The following ADAM18 variants were observed in gnomAD, a reference collection of about 807,000 sequenced individuals.
ADAM18 encodes disintegrin and metalloproteinase domain-containing protein 18.
A neutral mutation model predicts 94.4 loss-of-function variants in ADAM18; 117 were observed. The observed-to-expected ratio is 1.24, with a 90% CI of 1.07 to 1.45. The LOEUF (loss-of-function observed/expected upper bound fraction) is 1.45, where lower values mean the gene tolerates loss of function less well. Ranked by LOEUF, ADAM18 falls within the 40% of genes most tolerant of loss-of-function variation. The probability of loss-of-function intolerance (pLI) is 0.00; values close to 1 mark genes in which losing one functional copy is unlikely to be tolerated. For missense variants in ADAM18, 936 were observed against 880.0 expected, an observed-to-expected ratio of 1.06 and a Z score of -0.81; for synonymous variants, 327 against 291.6, an observed-to-expected ratio of 1.12 and a Z score of -1.24.
intron 19 of ADAM18, 73 bp from the exon 20 acceptor site, chr8:39,729,825 G>A (rs571272531): frequency 8.1e-7 from 1 of 1,227,740 alleles, no homozygotes; most frequent in Non-Finnish European, 1.2e-6. Context: ...TAGTAAATAT[G>A]GTTTAAAATA....
Position 39,639,844 on chromosome 8 carries a change from T to G in ADAM18, c.909+1298T>G, listed in dbSNP as rs138823975. Among the ~76,000 whole-genome samples the G allele has an allele frequency of 7.1e-3, 1,086 of 152,158 alleles. 13 individuals carry two copies. The highest frequency in any genetic ancestry group is 0.025 in the African/African-American group (1,027 of 41,556). On this transcript the variant is annotated intron_variant, in intron 10 of 19. Coordinates refer to ENST00000265707, the MANE Select transcript of ADAM18 (RefSeq NM_014237.3). ...AAATTGTCTGTTTTACCAATCTATA[T>G]TACACTTGATGCATAGACAGGGTTG...
intron 6 of ADAM18, among the ~76,000 whole-genome samples, chr8:39,612,330 G>A (rs1246155338): frequency 6.6e-6 from 1 of 152,162 alleles, no homozygotes; most frequent in Non-Finnish European, 1.5e-5. Flanking sequence ...GCACAGGGCT[G>A]TTAAGAACTG....
chr8:39,675,158 A>T (rs1004378210), intron 14 of ADAM18, among the ~76,000 whole-genome samples: 1 of 152,112 alleles, frequency 6.6e-6, no homozygotes, highest in African/African-American at 2.4e-5. Flanking sequence ...TCTGAATTTG[A>T]ATGTTGGCCT....
In ADAM18 at chr8:39,702,216, G is replaced by C. The variant is rs117786953; in HGVS notation, c.1903-4574G>C. On this transcript the variant is annotated intron_variant, in intron 17 of 19. Coordinates refer to ENST00000265707, the MANE Select transcript of ADAM18 (RefSeq NM_014237.3). ...TGAAATGGTATCTCATTGTGGTCTT[G>C]ATTTTTATTTCTCTAATGATTAGTG... 7.9e-4 allele frequency among the ~76,000 whole-genome samples: 120 copies of C among 152,198 alleles called. 1 individual carries two copies. In the East Asian group the frequency reaches 0.019, roughly 24 times the overall value.
At chr8:39,654,289 C>G (rs994708164) in intron 12 of ADAM18, among the ~76,000 whole-genome samples, 2 of 151,292 alleles carry the variant, frequency 1.3e-5, no homozygotes, top group African/African-American at 4.9e-5. Flanking sequence ...TCCCGAGTAG[C>G]TGGATCTCCT....
chr8:39,704,658 A>G (rs1228960916), intron 17 of ADAM18, among the ~76,000 whole-genome samples: 2 of 152,066 alleles, frequency 1.3e-5, no homozygotes, highest in East Asian at 1.9e-4. Context: ...TTATTTGTCT[A>G]TTTCTATGCC....
intron 6 of ADAM18, among the ~76,000 whole-genome samples, chr8:39,625,792 A>G (rs1289243145): frequency 2.0e-5 from 3 of 151,854 alleles, no homozygotes; most frequent in East Asian, 1.9e-4. Flanking sequence ...AGAGATTATT[A>G]TTTTCAATTT....
chr8:39,605,594 A>G (rs1451477692), intron 2 of ADAM18: 1 of 160,734 alleles, frequency 6.2e-6, no homozygotes, highest in Non-Finnish European at 1.4e-5. Flanking sequence ...TGTCTAATTT[A>G]TCTTGACTAA....
At chr8:39,649,473 AC>A (rs1465149119) in intron 12 of ADAM18, among the ~76,000 whole-genome samples, 1 of 152,114 alleles carries the variant, frequency 6.6e-6, no homozygotes, top group African/African-American at 2.4e-5. Context: ...GCAGTCTCCT[AC>A]CCCTAAATAT....
At chr8:39,659,988 A>C (rs1390350631) in intron 12 of ADAM18, among the ~76,000 whole-genome samples, 1 of 152,132 alleles carries the variant, frequency 6.6e-6, no homozygotes, top group Non-Finnish European at 1.5e-5. Context: ...GGAGAGGTGA[A>C]GTCTTGAGTT....
chr8:39,588,684 T>G (rs1202000349), intron 2 of ADAM18, among the ~76,000 whole-genome samples: 1 of 152,160 alleles, frequency 6.6e-6, no homozygotes, highest in East Asian at 1.9e-4. Flanking sequence ...TGGGATGTGT[T>G]TATTTCCTGC....
At chr8:39,653,604 T>G (rs1011370886) in intron 12 of ADAM18, among the ~76,000 whole-genome samples, 1 of 152,212 alleles carries the variant, frequency 6.6e-6, no homozygotes, top group Non-Finnish European at 1.5e-5. Context: ...ATTCTACTGA[T>G]TTTAGACTTA....
chr8:39,626,407 C>A (rs572550029), intron 6 of ADAM18, among the ~76,000 whole-genome samples: 1 of 151,136 alleles, frequency 6.6e-6, no homozygotes, highest in Admixed American at 6.6e-5. Context: ...TTCATTTAAA[C>A]CTGCTCCGAT....
Position 39,645,518 on chromosome 8 carries a change from T to C in ADAM18, c.1046+44T>C, listed in dbSNP as rs1451739. 1.3e-3 allele frequency: 1,987 copies of C among 1,550,196 alleles called. 25 individuals carry two copies. In the African/African-American group the frequency reaches 0.024, roughly 19 times the overall value. On this transcript the variant is annotated intron_variant, in intron 11 of 19. Transcript: ENST00000265707. ...TAATTTCATTTATATTTTTATAAGG[T>C]TGTTTCCAAAATGTGATAATGTTTT...
intron 2 of ADAM18, among the ~76,000 whole-genome samples, chr8:39,593,294 A>T (rs1333582186): frequency 6.6e-6 from 1 of 152,088 alleles, no homozygotes; most frequent in Non-Finnish European, 1.5e-5. Flanking sequence ...ATTCTTGAGT[A>T]ATGTTGCTAA....
intron 7 of ADAM18, among the ~76,000 whole-genome samples, chr8:39,632,210 T>C (rs1819949460): frequency 6.6e-6 from 1 of 152,052 alleles, no homozygotes; most frequent in Non-Finnish European, 1.5e-5. Context: ...CTATTTATTT[T>C]ACTTTTATTT....
intron 14 of ADAM18, among the ~76,000 whole-genome samples, chr8:39,676,323 C>A (rs780903264): frequency 6.6e-6 from 1 of 152,208 alleles, no homozygotes; most frequent in East Asian, 1.9e-4. Flanking sequence ...TTCCTGGACA[C>A]TTTGTTTACC....
intron 2 of ADAM18, among the ~76,000 whole-genome samples, chr8:39,590,189 T>A (rs553406704): frequency 3.4e-4 from 51 of 152,030 alleles, no homozygotes; most frequent in African/African-American, 1.2e-3. Context: ...CCAACCCGAA[T>A]GTCCAACAAT....
At chr8:39,661,784 C>T (rs1820847802) in intron 12 of ADAM18, among the ~76,000 whole-genome samples, 1 of 151,944 alleles carries the variant, frequency 6.6e-6, no homozygotes, top group African/African-American at 2.4e-5. Context: ...AAGGTGCATG[C>T]AGCCACATTT....
Sources: gnomAD v4.1 joint callset for allele counts (sites outside exome capture counted in the v4.1 genomes callset) on GRCh38, gnomAD v4.1.1 for gene constraint, MANE v1.5 for transcripts, NCBI Gene and HGNC (gene_info 2026-07-23, HGNC 2026-07-21) for gene names.